TMEFF1: variants seen among roughly 807,000 people sequenced by gnomAD.
The protein encoded by TMEFF1 is tomoregulin-1.
Under a neutral mutation model 47.5 loss-of-function variants are expected in TMEFF1, and 20 were observed. The ratio of observed to expected loss-of-function variants is 0.42; its 90% CI spans 0.30 to 0.61. The LOEUF (loss-of-function observed/expected upper bound fraction) is 0.61, where lower values mean the gene tolerates loss of function less well. Ranked by LOEUF, TMEFF1 falls within the 20% of genes least tolerant of loss-of-function variation. TMEFF1 has a pLI of 0.19. For missense variants in TMEFF1, 411 were observed against 471.1 expected, an observed-to-expected ratio of 0.87 and a Z score of 1.18; for synonymous variants, 162 against 166.3, an observed-to-expected ratio of 0.97 and a Z score of 0.20.
intron 5 of TMEFF1, among the ~76,000 whole-genome samples, chr9:100,532,484 A>G (rs1276682348): frequency 2.6e-5 from 4 of 152,158 alleles, no homozygotes; most frequent in Admixed American, 6.5e-5. Context: ...AACACATGAA[A>G]AAATGCTCAT....
chr9:100,574,905 G>T (rs1412673390), intron 9 of TMEFF1, among the ~76,000 whole-genome samples: 1 of 152,124 alleles, frequency 6.6e-6, no homozygotes, highest in African/African-American at 2.4e-5. Flanking sequence ...GTACCCTCTA[G>T]TTTATACTCC....
At chr9:100,520,816 T>C (rs1838148696) in intron 5 of TMEFF1, among the ~76,000 whole-genome samples, 1 of 152,232 alleles carries the variant, frequency 6.6e-6, no homozygotes, top group Non-Finnish European at 1.5e-5. Context: ...AACCAGAACA[T>C]AGGTCTCATG....
intron 9 of TMEFF1, 109 bp from the exon 10 acceptor site, chr9:100,576,407 G>A (rs1050636840): frequency 6.1e-5 from 83 of 1,356,294 alleles, no homozygotes; most frequent in Non-Finnish European, 7.9e-5. Flanking sequence ...GTAATTGCTT[G>A]CAATGTGGCT....
At chr9:100,509,671 G>T (rs1359332125) in intron 3 of TMEFF1, among the ~76,000 whole-genome samples, 4 of 152,010 alleles carry the variant, frequency 2.6e-5, no homozygotes, top group Non-Finnish European at 5.9e-5. Context: ...CTACTCGGGA[G>T]GCTGAGGCAG....
At chr9:100,560,115 G>A (rs1332718829) in intron 7 of TMEFF1, among the ~76,000 whole-genome samples, 4 of 151,454 alleles carry the variant, frequency 2.6e-5, no homozygotes. Context: ...TTTTTAATTT[G>A]TTTCCATTAA....
chr9:100,473,241 C>A lies in TMEFF1; in HGVS notation c.-304C>A, dbSNP rs1381864923. On this transcript the variant is annotated 5_prime_UTR_variant, in exon 1 of 10. Coordinates refer to ENST00000374879, the MANE Select transcript of TMEFF1 (RefSeq NM_003692.5). This position sits in a 1 kb window ranked among gnomAD's most constrained non-coding sequence, Gnocchi z 5.4. ...GCCTGCCTCCGGCCCGCGACCCCCG[C>A]CCGCCGCGCGCGCGCCCGCCCGCTC... 1 of 149,440 alleles carries A rather than the reference C, an allele frequency of 6.7e-6. No homozygotes were observed. The highest frequency in any genetic ancestry group is 1.5e-5 in the Non-Finnish European group (1 of 66,724). The allele number at this position is 149,440 out of a possible 1,614,324, so 9.3% of individuals were successfully genotyped here.
chr9:100,497,436 A>G (rs1837672056), intron 1 of TMEFF1, among the ~76,000 whole-genome samples: 1 of 150,400 alleles, frequency 6.6e-6, no homozygotes, highest in Admixed American at 6.7e-5. Context: ...TAAGAAAGAT[A>G]ATTTTTTTGT....
At chr9:100,575,868 ATTTG>A (rs1373366650) in intron 9 of TMEFF1, among the ~76,000 whole-genome samples, 1 of 151,964 alleles carries the variant, frequency 6.6e-6, no homozygotes, top group East Asian at 1.9e-4. Context: ...ACCCAGTGAG[ATTTG>A]TACTGCTGTT....
chr9:100,555,168 C>G (rs1364665609), intron 7 of TMEFF1, among the ~76,000 whole-genome samples: 2 of 150,734 alleles, frequency 1.3e-5, no homozygotes, highest in African/African-American at 2.5e-5. Context: ...CACAGACACA[C>G]ACACACACAC....
At chr9:100,563,588 G>A (rs1050644075) in intron 8 of TMEFF1, among the ~76,000 whole-genome samples, 8 of 152,194 alleles carry the variant, frequency 5.3e-5, no homozygotes, top group African/African-American at 1.9e-4. Flanking sequence ...AAGTAGAATA[G>A]TAATAGTACC....
At chr9:100,513,358 G>A (rs754436308) in intron 4 of TMEFF1, 25 bp downstream of exon 4, 37 of 1,549,922 alleles carry the variant, frequency 2.4e-5, no homozygotes, top group Non-Finnish European at 2.9e-5. Flanking sequence ...CCTCTTAAAG[G>A]ATATTTGCTT....
chr9:100,483,476 A>G (rs1837380763), intron 1 of TMEFF1, among the ~76,000 whole-genome samples: 1 of 149,372 alleles, frequency 6.7e-6, no homozygotes, highest in Admixed American at 6.9e-5. Flanking sequence ...CAGCCTGGGC[A>G]ACAAGAGAGA....
At chr9:100,492,278 A>G (rs1837567383) in intron 1 of TMEFF1, among the ~76,000 whole-genome samples, 1 of 152,238 alleles carries the variant, frequency 6.6e-6, no homozygotes, top group Non-Finnish European at 1.5e-5. Context: ...GTGGATGCAG[A>G]ATTCTAAATG....
chr9:100,478,058 G>A (rs973225558), intron 1 of TMEFF1, among the ~76,000 whole-genome samples: 1 of 152,156 alleles, frequency 6.6e-6, no homozygotes, highest in Non-Finnish European at 1.5e-5. Flanking sequence ...AGTTTTTTCA[G>A]CATCATGGAG....
intron 5 of TMEFF1, among the ~76,000 whole-genome samples, chr9:100,529,197 A>G (rs879593089): frequency 6.7e-6 from 1 of 149,896 alleles, no homozygotes; most frequent in Non-Finnish European, 1.5e-5. Context: ...CGAGCAAAAT[A>G]ACCAGCTAAC....
At chr9:100,539,068 G>C (rs912608752) in intron 5 of TMEFF1, among the ~76,000 whole-genome samples, 1 of 152,046 alleles carries the variant, frequency 6.6e-6, no homozygotes, top group Admixed American at 6.5e-5. Context: ...CACCATGCCC[G>C]GCTAATTTTT....
intron 2 of TMEFF1, among the ~76,000 whole-genome samples, chr9:100,503,535 AACACACACACACACAC>A (rs66485935): frequency 1.9e-4 from 28 of 143,938 alleles, no homozygotes; most frequent in South Asian, 4.5e-4. Context: ...GAGAAACAGA[AACACACACACACACAC>A]ACACACACAC....
chr9:100,498,717 G>A (rs770184998), intron 1 of TMEFF1, 48 bp from the exon 2 acceptor site: 47 of 1,585,696 alleles, frequency 3.0e-5, no homozygotes, highest in South Asian at 2.4e-4. Context: ...ACACACACAC[G>A]TAATAAAAAG....
At chr9:100,527,879 C>T (rs990060635) in intron 5 of TMEFF1, among the ~76,000 whole-genome samples, 27 of 152,188 alleles carry the variant, frequency 1.8e-4, no homozygotes, top group African/African-American at 4.6e-4. Context: ...TCTCCCAGCA[C>T]GCAGCTGGAG....
Sources: gnomAD v4.1 joint callset for allele counts (sites outside exome capture counted in the v4.1 genomes callset) on GRCh38, gnomAD v4.1.1 for gene constraint, Gnocchi (gnomAD v3.1) non-coding constraint, MANE v1.5 for transcripts, NCBI Gene and HGNC (gene_info 2026-07-23, HGNC 2026-07-21) for gene names.